The following TTC7A variants were observed in gnomAD, a reference collection of about 807,000 sequenced individuals.
The protein encoded by TTC7A is tetratricopeptide repeat protein 7A.
A neutral mutation model predicts 103.7 loss-of-function variants in TTC7A; 110 were observed. That is an observed-to-expected ratio of 1.06 (90% CI 0.91 to 1.24). The LOEUF is 1.24. TTC7A is among the 50% of genes most tolerant of loss of function. The pLI is 0.00. For missense variants in TTC7A, 1,340 were observed against 1,116.3 expected (o/e 1.20, Z -2.86); for synonymous variants, 521 against 467.9 (o/e 1.11, Z -1.47).
intron 11 of TTC7A, among the ~76,000 whole-genome samples, chr2:47,011,746 G>A (rs1009092173): frequency 6.6e-6 from 1 of 152,238 alleles, no homozygotes; most frequent in Non-Finnish European, 1.5e-5. Flanking sequence ...AAGACCTTGA[G>A]TCACCTGGAC....
At chr2:47,035,081 T>G (rs984502192) in intron 15 of TTC7A, among the ~76,000 whole-genome samples, 1 of 152,196 alleles carries the variant, frequency 6.6e-6, no homozygotes, top group African/African-American at 2.4e-5. Flanking sequence ...GTGCCTCACC[T>G]TTTTTTCAGG....
intron 5 of TTC7A, among the ~76,000 whole-genome samples, chr2:46,980,358 A>G (rs1419612923): frequency 1.3e-5 from 2 of 151,772 alleles, no homozygotes; most frequent in East Asian, 1.9e-4. Context: ...TAGCTGGGAC[A>G]ACAGGCATGC....
At chr2:46,990,192 G>A (rs566023112) in intron 5 of TTC7A, among the ~76,000 whole-genome samples, 7 of 152,228 alleles carry the variant, frequency 4.6e-5, no homozygotes, top group East Asian at 1.9e-4. Context: ...CCTGGAGCTC[G>A]TTGAGGTCTG....
At chr2:47,028,925 A>C (rs575105552) in intron 14 of TTC7A, among the ~76,000 whole-genome samples, 1 of 152,254 alleles carries the variant, frequency 6.6e-6, no homozygotes, top group Admixed American at 6.5e-5. Flanking sequence ...TGACGTTTCC[A>C]CACATGGCTG....
At chr2:47,053,537 T>TG (rs1284716314) in intron 18 of TTC7A, among the ~76,000 whole-genome samples, 82 of 114,048 alleles carry the variant, frequency 7.2e-4, no homozygotes, top group South Asian at 2.1e-3. Context: ...TTTTTTTGTT[T>TG]GTTTGTTTGG....
chr2:46,981,991 G>C (rs111379637), intron 5 of TTC7A, among the ~76,000 whole-genome samples: 1 of 152,226 alleles, frequency 6.6e-6, no homozygotes, highest in African/African-American at 2.4e-5. Context: ...CCCAGGGGAG[G>C]CCTGTGCCCT....
intron 11 of TTC7A, among the ~76,000 whole-genome samples, chr2:47,019,187 T>C (rs1419745722): frequency 1.3e-5 from 2 of 152,180 alleles, no homozygotes; most frequent in African/African-American, 2.4e-5. Context: ...TCCTTCCTAA[T>C]CACTGCTATG....
At chr2:46,982,950 A>G (rs917215708) in intron 5 of TTC7A, among the ~76,000 whole-genome samples, 1 of 152,220 alleles carries the variant, frequency 6.6e-6, no homozygotes, top group Non-Finnish European at 1.5e-5. Context: ...CTGGGCCAAC[A>G]GAGCAAGACC....
intron 8 of TTC7A, among the ~76,000 whole-genome samples, chr2:47,004,830 G>T (rs1677203614): frequency 6.6e-6 from 1 of 152,006 alleles, no homozygotes; most frequent in East Asian, 1.9e-4. Context: ...CTGCTTGGAG[G>T]CCCCCATGAC....
chr2:46,981,944 C>A (rs1674510654), intron 5 of TTC7A, among the ~76,000 whole-genome samples: 1 of 152,206 alleles, frequency 6.6e-6, no homozygotes. Context: ...TGGACCTGGG[C>A]CTTGGGGAGG....
intron 3 of TTC7A, among the ~76,000 whole-genome samples, chr2:46,957,699 T>A (rs540299483): frequency 1.1e-3 from 175 of 152,266 alleles, no homozygotes; most frequent in African/African-American, 4.0e-3. Context: ...GGACCCCAAA[T>A]GTGTTCAATG....
rs1303311711 is a variant in TTC7A, at chr2:47,075,219, G to C, written c.*1296G>C. On this transcript the variant is annotated 3_prime_UTR_variant, in exon 20 of 20. Coordinates refer to ENST00000319190, the MANE Select transcript of TTC7A (RefSeq NM_020458.4). ...GGTGCCTCCTGGCTTTCCTGTGCCA[G>C]GCCAAGGGGCACCACAGAGGACCCT... 2 of 152,226 alleles carry C rather than the reference G, an allele frequency of 1.3e-5. No individual in the cohort carries two copies. Among genetic ancestry groups the C allele is most frequent in the East Asian group, 3.8e-4 (2 of 5,196 alleles). The allele number at this position is 152,226 out of a possible 1,614,324, so 9.4% of individuals were successfully genotyped here. A position where few individuals can be genotyped will look rare whatever the true frequency, so the allele number is the denominator to read the frequency against.
chr2:46,996,000 A>G lies in TTC7A; in HGVS notation c.1065+801A>G, dbSNP rs918320747. ...CTGTTTAGACTTTTCTACAGGACCC[A>G]TTGCTCATGTCCTGGGCAGGAAGAT... On this transcript the variant is annotated intron_variant, in intron 8 of 19. Transcript: ENST00000319190. Among the ~76,000 whole-genome samples the G allele has an allele frequency of 1.9e-4, 29 of 152,244 alleles. 1 individual carries two copies. Among genetic ancestry groups the G allele is most frequent in the Non-Finnish European group, 2.9e-5 (2 of 68,044 alleles).
intron 4 of TTC7A, 172 bp from the exon 5 acceptor site, chr2:46,978,620 G>C: frequency 1.9e-6 from 1 of 538,216 alleles, no homozygotes; most frequent in Admixed American, 3.3e-5. Flanking sequence ...GGGAGAGAAT[G>C]CTTTAGACAT....
intron 19 of TTC7A, among the ~76,000 whole-genome samples, chr2:47,073,275 A>T (rs1435708462): frequency 1.3e-5 from 2 of 152,138 alleles, no homozygotes. Flanking sequence ...CTCCTGCCAG[A>T]CACTTCTCAG....
At chr2:47,000,656 G>T (rs1676713550) in intron 8 of TTC7A, among the ~76,000 whole-genome samples, 1 of 152,194 alleles carries the variant, frequency 6.6e-6, no homozygotes, top group Non-Finnish European at 1.5e-5. Context: ...GAGCATGACA[G>T]TGTCCTCCAG....
rs77413840 is a variant in TTC7A, at chr2:47,024,397, G to T, written c.1641+38G>T. The T allele has an allele frequency of 4.9e-3, 7,747 of 1,567,136 alleles. 23 individuals carry two copies. The highest frequency in any genetic ancestry group is 5.3e-3 in the Non-Finnish European group (6,165 of 1,153,856). On this transcript the variant is annotated intron_variant, in intron 14 of 19. Coordinates refer to ENST00000319190, the MANE Select transcript of TTC7A (RefSeq NM_020458.4). ...TGTTCCTAACCCCCGGGTCCTCGGG[G>T]GCTGCTGATCTTCTCCTGGAAACCC... is the stretch of plus-strand genomic sequence containing the variant.
intron 12 of TTC7A, among the ~76,000 whole-genome samples, chr2:47,022,424 A>T (rs1679391759): frequency 6.6e-6 from 1 of 152,180 alleles, no homozygotes; most frequent in Admixed American, 6.5e-5. Flanking sequence ...AATACGTGGC[A>T]TAGGGCTGGG....
chr2:46,965,137 C>G (rs1296690968), intron 3 of TTC7A, among the ~76,000 whole-genome samples: 1 of 152,256 alleles, frequency 6.6e-6, no homozygotes, highest in East Asian at 1.9e-4. Context: ...CTCCTCTCCC[C>G]GCCCGTTGAA....
Sources: allele counts gnomAD v4.1 joint callset (sites outside exome capture counted in the v4.1 genomes callset), GRCh38; gene constraint gnomAD v4.1.1; transcripts MANE v1.5; gene names NCBI Gene and HGNC (gene_info 2026-07-23, HGNC 2026-07-21).